The following ANKRD13A variants were observed in gnomAD, a reference collection of about 807,000 sequenced individuals.
The protein encoded by ANKRD13A is ankyrin repeat domain 13A.
ANKRD13A carries 48 observed loss-of-function variants against 81.3 expected under a neutral mutation model. That is an observed-to-expected ratio of 0.59 (90% CI 0.47 to 0.75). The LOEUF (loss-of-function observed/expected upper bound fraction) is 0.75. ANKRD13A is among the 30% of genes least tolerant of loss of function. The pLI is 0.00. For missense variants in ANKRD13A, 612 were observed against 734.0 expected (o/e 0.83, Z 1.92); for synonymous variants, 230 against 270.1 (o/e 0.85, Z 1.45).
chr12:110,033,671 A>G lies in ANKRD13A; in HGVS notation c.1349-126A>G, dbSNP rs138813949. 2.9e-3 allele frequency: 2,573 copies of G among 872,718 alleles called. 113 individuals carry two copies. The Admixed American group carries it at 0.071, about 24-fold the overall frequency. 54.1% of individuals were successfully genotyped at this position (872,718 alleles called of 1,614,324 possible). A position where few individuals can be genotyped will look rare whatever the true frequency, so the allele number is the denominator to read the frequency against. On this transcript the variant is annotated intron_variant, in intron 12 of 14. Coordinates refer to ENST00000261739, the MANE Select transcript of ANKRD13A (RefSeq NM_033121.2). ...GTCATGCTTCCTCAGAATCTCTCAT[A>G]TAATAGTAAGCCTTGATTGTTATAA...
intron 12 of ANKRD13A, among the ~76,000 whole-genome samples, 185 bp downstream of exon 12, chr12:110,030,943 A>C (rs1450366336): frequency 6.6e-6 from 1 of 151,822 alleles, no homozygotes; most frequent in African/African-American, 2.4e-5. Flanking sequence ...AATAATACAA[A>C]AATTAGCCGG....
intron 3 of ANKRD13A, among the ~76,000 whole-genome samples, chr12:110,014,995 C>T (rs1298197378): frequency 6.6e-6 from 1 of 151,794 alleles, no homozygotes; most frequent in Admixed American, 6.6e-5. Context: ...TCACCATGGT[C>T]TCGATCTCCT....
At position 110,036,153 on chromosome 12, in the gene ANKRD13A, G is replaced by A. The variant is rs1892033994; in HGVS notation, c.1510-108G>A. 1.9e-6 allele frequency: 2 copies of A among 1,029,318 alleles called. No homozygotes were observed. Among genetic ancestry groups the A allele is most frequent in the South Asian group, 2.6e-5 (2 of 77,614 alleles). The allele number at this position is 1,029,318 out of a possible 1,614,324, so 63.8% of individuals were successfully genotyped here. ...CTTTTCACACAGCACTATTGATAAT[G>A]GTCATGGAAAGACTTTTAATTTGGT... On this transcript the variant is annotated intron_variant, in intron 13 of 14. Coordinates refer to ENST00000261739, the MANE Select transcript of ANKRD13A (RefSeq NM_033121.2). The surrounding 1 kb of genome is among the most constrained non-coding windows in gnomAD (Gnocchi z 4.6).
At chr12:110,035,916 A>G (rs1027946815) in intron 13 of ANKRD13A, among the ~76,000 whole-genome samples, 2 of 152,110 alleles carry the variant, frequency 1.3e-5, no homozygotes, top group African/African-American at 2.4e-5. Context: ...CCCTGTCTCT[A>G]AAAAAACAAA....
intron 6 of ANKRD13A, among the ~76,000 whole-genome samples, chr12:110,020,204 T>C (rs535587756): frequency 1.3e-5 from 2 of 152,186 alleles, no homozygotes; most frequent in Non-Finnish European, 2.9e-5. Context: ...GCTATTATCC[T>C]TATAGTATTT....
chr12:110,007,889 G>T (rs1890320422), intron 1 of ANKRD13A, among the ~76,000 whole-genome samples: 1 of 152,162 alleles, frequency 6.6e-6, no homozygotes, highest in Non-Finnish European at 1.5e-5. Context: ...AAACCTTGCT[G>T]AACTCATTTA....
intron 7 of ANKRD13A, among the ~76,000 whole-genome samples, chr12:110,024,527 C>G (rs1184984529): frequency 6.6e-6 from 1 of 152,154 alleles, no homozygotes; most frequent in East Asian, 1.9e-4. Flanking sequence ...GCGCACAGCC[C>G]ATTTGCATGA....
At chr12:110,035,964 C>T (rs1431611055) in intron 13 of ANKRD13A, among the ~76,000 whole-genome samples, 1 of 152,108 alleles carries the variant, frequency 6.6e-6, no homozygotes, top group Non-Finnish European at 1.5e-5. Context: ...CCAAGGTCAG[C>T]TGTGTTTTTG....
chr12:110,026,437 T>C (rs1331712479), intron 8 of ANKRD13A, among the ~76,000 whole-genome samples: 2 of 150,640 alleles, frequency 1.3e-5, no homozygotes, highest in African/African-American at 4.9e-5. Flanking sequence ...ATTAGCTGGG[T>C]GTGGTGGCCC....
chr12:110,032,621 T>C (rs78549167), intron 12 of ANKRD13A: 1 of 152,196 alleles, frequency 6.6e-6, no homozygotes, highest in Non-Finnish European at 1.5e-5. Context: ...AAGAAAGTTA[T>C]GCACATGAGC....
intron 3 of ANKRD13A, among the ~76,000 whole-genome samples, chr12:110,015,762 GT>G (rs1890760810): frequency 6.6e-6 from 1 of 151,982 alleles, no homozygotes; most frequent in African/African-American, 2.4e-5. Flanking sequence ...GGCCAGGCTG[GT>G]CTCGAACTCC....
intron 1 of ANKRD13A, among the ~76,000 whole-genome samples, chr12:110,003,596 C>T (rs1036397225): frequency 6.6e-6 from 1 of 152,182 alleles, no homozygotes; most frequent in Non-Finnish European, 1.5e-5. Flanking sequence ...TTGCTGGAGT[C>T]CCCCTAAAGG....
rs571221681 is a variant in ANKRD13A at position 110,035,988 on chromosome 12, A to G, written c.1510-273A>G. Among the ~76,000 whole-genome samples the G allele has an allele frequency of 3.3e-5, 5 of 152,256 alleles. No homozygotes were observed. In the South Asian group the frequency reaches 6.2e-4, roughly 19 times the overall value. ...GCTGTGTTTTTGCTTTTCGTTGTGTATATCTTCCACGTGGGTTAGCTGTAT... is the reference window on the plus strand; with the variant it reads ...GCTGTGTTTTTGCTTTTCGTTGTGTGTATCTTCCACGTGGGTTAGCTGTAT... On this transcript the variant is annotated intron_variant, in intron 13 of 14. Transcript: ENST00000261739.
chr12:110,018,535 G>A lies in ANKRD13A; in HGVS notation c.544+47G>A. ...AATCACTGCTCAAGCAAAATTACAG[G>A]GTGATTTTTAACCAAGAAAATGCTT... is the stretch of plus-strand genomic sequence containing the variant. On this transcript the variant is annotated intron_variant, in intron 5 of 14. Transcript: ENST00000261739. The surrounding 1 kb of genome is among the most constrained non-coding windows in gnomAD (Gnocchi z 4.4). 6.3e-7 allele frequency: 1 copy of A among 1,585,942 alleles called. No individual in the cohort carries two copies. Among genetic ancestry groups the A allele is most frequent in the Admixed American group, 1.7e-5 (1 of 57,758 alleles).
intron 6 of ANKRD13A, chr12:110,021,507 C>G: frequency 6.6e-6 from 1 of 152,530 alleles, no homozygotes; most frequent in Non-Finnish European, 1.4e-5. Context: ...CTCACTGCAA[C>G]CTCCGCCTAC....
intron 10 of ANKRD13A, 98 bp downstream of exon 10, chr12:110,028,740 A>G: frequency 2.7e-6 from 4 of 1,492,200 alleles, no homozygotes; most frequent in Non-Finnish European, 2.7e-6. Flanking sequence ...CCTCCCCACC[A>G]CCCTTATTTT....
At chr12:110,021,075 A>G (rs1891052853) in intron 6 of ANKRD13A, 1 of 455,704 alleles carries the variant, frequency 2.2e-6, no homozygotes, top group Admixed American at 2.4e-5. Flanking sequence ...TGTACCGAGG[A>G]CTAAGGCACA....
At chr12:110,000,227 G>A (rs2137061765) in intron 1 of ANKRD13A, among the ~76,000 whole-genome samples, 1 of 152,268 alleles carries the variant, frequency 6.6e-6, no homozygotes, top group South Asian at 2.1e-4. Context: ...GGTTGGTTTT[G>A]GAGTCCAGGT....
Position 110,018,615 on chromosome 12 carries a change from A to G in ANKRD13A, c.544+127A>G, listed in dbSNP as rs1443137655. 9.0e-7 allele frequency: 1 copy of G among 1,109,254 alleles called. No homozygotes were observed. Among genetic ancestry groups the G allele is most frequent in the African/African-American group, 1.6e-5 (1 of 62,440 alleles). 68.7% of individuals were successfully genotyped at this position (1,109,254 alleles called of 1,614,324 possible). On this transcript the variant is annotated intron_variant, in intron 5 of 14. Transcript: ENST00000261739. This position sits in a 1 kb window ranked among gnomAD's most constrained non-coding sequence, Gnocchi z 4.4. ...CTTCCTAGGGCATGTTTTTTTGGTT[A>G]TTCTTATTAATTATTCAGCTCTCCA...
Sources: allele counts gnomAD v4.1 joint callset (sites outside exome capture counted in the v4.1 genomes callset), GRCh38; gene constraint gnomAD v4.1.1; non-coding constraint Gnocchi (gnomAD v3.1); transcripts MANE v1.5; gene names NCBI Gene and HGNC (gene_info 2026-07-23, HGNC 2026-07-21).